MOB2: variants seen among roughly 807,000 people sequenced by gnomAD.
The protein encoded by MOB2 is MOB kinase activator 2, also known as MOB2 Mps One Binder homolog.
Under a neutral mutation model 27.4 loss-of-function variants are expected in MOB2, and 14 were observed. The observed-to-expected ratio is 0.51, with a 90% CI of 0.34 to 0.80. The LOEUF is 0.80. Ranked by LOEUF, MOB2 falls within the 30% of genes least tolerant of loss-of-function variation. MOB2 has a pLI of 0.01. For missense variants in MOB2, 304 were observed against 354.6 expected, an observed-to-expected ratio of 0.86 and a Z score of 1.15; for synonymous variants, 167 against 151.8, an observed-to-expected ratio of 1.10 and a Z score of -0.74.
intron 1 of MOB2, among the ~76,000 whole-genome samples, chr11:1,484,691 AG>A (rs999939658): frequency 6.6e-6 from 1 of 151,834 alleles, no homozygotes; most frequent in East Asian, 1.9e-4. Flanking sequence ...CTGGGTGTTG[AG>A]GGGGGGCCTG....
chr11:1,482,880 G>A (rs375518826), intron 1 of MOB2, among the ~76,000 whole-genome samples: 14 of 152,270 alleles, frequency 9.2e-5, no homozygotes, highest in Admixed American at 4.6e-4. Flanking sequence ...CAGCACCCAC[G>A]TCTCCCTGAC....
At chr11:1,477,579 C>T (rs1847866231) in intron 3 of MOB2, among the ~76,000 whole-genome samples, 1 of 152,186 alleles carries the variant, frequency 6.6e-6, no homozygotes, top group African/African-American at 2.4e-5. Context: ...CCCTGCCTTC[C>T]TTCCAGCAAG....
chr11:1,483,766 G>C (rs965193290), intron 1 of MOB2, among the ~76,000 whole-genome samples: 6 of 152,216 alleles, frequency 3.9e-5, no homozygotes, highest in Non-Finnish European at 7.4e-5. Flanking sequence ...GTGCCAGTCG[G>C]CCTCCTTGGC....
intron 3 of MOB2, among the ~76,000 whole-genome samples, chr11:1,473,755 C>T (rs1847822685): frequency 6.6e-6 from 1 of 152,258 alleles, no homozygotes; most frequent in Non-Finnish European, 1.5e-5. Flanking sequence ...GTATATAGTT[C>T]TAAGATTTTT....
intron 1 of MOB2, among the ~76,000 whole-genome samples, chr11:1,482,069 G>C (rs1590767275): frequency 6.6e-6 from 1 of 152,218 alleles, no homozygotes; most frequent in Admixed American, 6.5e-5. Context: ...ACCACCGGCA[G>C]GTGGGCCTGC....
chr11:1,485,566 G>A (rs142837424), intron 1 of MOB2, among the ~76,000 whole-genome samples: 2,299 of 152,320 alleles, frequency 0.015, 28 homozygotes, highest in Admixed American at 0.029. Context: ...GCAGAGGCAC[G>A]GAGATGCACA....
At position 1,481,713 on chromosome 11, in the gene MOB2, A is replaced by G. The variant is rs866178382; in HGVS notation, c.111-828T>C. On this transcript the variant is annotated intron_variant, in intron 1 of 4. Coordinates refer to ENST00000329957, the MANE Select transcript of MOB2 (RefSeq NM_001172223.3). ...GAGCCAGGCAGGGAGCAGGGGCAGG[A>G]GCAGGGGCAGGGGCAGGGGCAGGGG... 771 of 129,824 alleles carry G rather than the reference A, an allele frequency of 5.9e-3. 14 individuals carry two copies. Among genetic ancestry groups the G allele is most frequent in the African/African-American group, 0.022 (742 of 34,224 alleles). The allele number at this position is 129,824 out of a possible 1,614,324, so 8.0% of individuals were successfully genotyped here. A position where few individuals can be genotyped will look rare whatever the true frequency, so the allele number is the denominator to read the frequency against.
rs914342487 is a variant in MOB2 at position 1,483,085 on chromosome 11, C to T, written c.111-2200G>A. On this transcript the variant is annotated intron_variant, in intron 1 of 4. Coordinates refer to ENST00000329957, the MANE Select transcript of MOB2 (RefSeq NM_001172223.3). Reference sequence around the variant, plus strand: ...TTGGCTTTGCCCAGTGGAGAAAACACCTCTGCGGCGCCCCCCGCAGGCTCA... The same window carrying T: ...TTGGCTTTGCCCAGTGGAGAAAACATCTCTGCGGCGCCCCCCGCAGGCTCA... Among the ~76,000 whole-genome samples, 6 of 152,302 alleles carry T rather than the reference C, an allele frequency of 3.9e-5. 2 individuals carry two copies. The South Asian group carries it at 1.2e-3, about 32-fold the overall frequency.
chr11:1,475,850 A>G (rs1847847237), intron 3 of MOB2, among the ~76,000 whole-genome samples: 1 of 152,182 alleles, frequency 6.6e-6, no homozygotes, highest in East Asian at 1.9e-4. Flanking sequence ...CTTACCTTAG[A>G]TCTTAGCAAC....
At chr11:1,482,235 G>C (rs1399930895) in intron 1 of MOB2, among the ~76,000 whole-genome samples, 1 of 152,250 alleles carries the variant, frequency 6.6e-6, no homozygotes, top group African/African-American at 2.4e-5. Context: ...CTTAGGAGCT[G>C]TGTCAACTGG....
At chr11:1,480,664 G>A in intron 2 of MOB2, 61 bp downstream of exon 2, 1 of 1,575,944 alleles carries the variant, frequency 6.3e-7, no homozygotes, top group Non-Finnish European at 8.6e-7. Flanking sequence ...TCCCCCTTGA[G>A]GAGGGGCTTC....
At chr11:1,486,161 G>A (rs554997975) in intron 1 of MOB2, among the ~76,000 whole-genome samples, 15 of 152,378 alleles carry the variant, frequency 9.8e-5, no homozygotes, top group African/African-American at 3.6e-4. Flanking sequence ...ACCAAGACCC[G>A]CTCCTCTCCC....
rs1294798997 is a variant in MOB2, at chr11:1,469,628, A to ACAGGAG, written c.*538_*543dup. The stretch of plus-strand genomic sequence containing the variant: ...ATGGAGGAGGCAGCAGGAAGGGGTG[A>ACAGGAG]CAGGAGCAGGAGCAGGTGCAGGGCA... On this transcript the variant is annotated 3_prime_UTR_variant, in exon 5 of 5. Transcript: ENST00000329957. 65 of 456,976 alleles carry ACAGGAG rather than the reference A, an allele frequency of 1.4e-4. No individual in the cohort carries two copies. Among genetic ancestry groups the ACAGGAG allele is most frequent in the Admixed American group, 1.2e-3 (49 of 42,598 alleles). The allele number at this position is 456,976 out of a possible 1,614,324, so 28.3% of individuals were successfully genotyped here.
At position 1,470,235 on chromosome 11, in the gene MOB2, C is replaced by T. The variant is rs752445454; in HGVS notation, c.744G>A (p.Gly248=). The change falls in exon 5 of 5, where the codon GGG becomes GGA. Residue 248 remains glycine, a synonymous_variant. Transcript: ENST00000329957. ...LCSGAGGVHS[G]GSGDGAGSGG... ...CGCTGCCGGCCCCATCCCCACTGCC[C>T]CCACTGTGGACCCCGCCGGCCCCGC... 9 of 1,612,424 alleles carry T rather than the reference C, an allele frequency of 5.6e-6. No individual in the cohort carries two copies. The highest frequency in any genetic ancestry group is 1.7e-5 in the Admixed American group (1 of 60,000).
Position 1,469,935 on chromosome 11 carries a change from G to A in MOB2, c.*237C>T, listed in dbSNP as rs780098436. 54 of 951,802 alleles carry A rather than the reference G, an allele frequency of 5.7e-5. No homozygotes were observed. The highest frequency in any genetic ancestry group is 4.7e-4 in the East Asian group (18 of 38,030). The allele number at this position is 951,802 out of a possible 1,614,324, so 59.0% of individuals were successfully genotyped here. On this transcript the variant is annotated 3_prime_UTR_variant, in exon 5 of 5. Transcript: ENST00000329957. ...TCAGTCCCATGCGTGTCTGCTGAAC[G>A]AGTGAATGGGCCCAAAGGCTCTTCT...
chr11:1,485,706 C>CGGCCCCTCATGCCCACACACGGG (rs1465077674), intron 1 of MOB2, among the ~76,000 whole-genome samples: 4 of 152,220 alleles, frequency 2.6e-5, no homozygotes, highest in African/African-American at 9.6e-5. Flanking sequence ...CCCACTCCCC[C>CGGCCCCTCATGCCCACACACGGG]GGCCCCTCAT....
In MOB2 at chr11:1,480,385, G is replaced by A. The variant is rs1203502140; in HGVS notation, c.365+8C>T. 2 of 1,611,332 alleles carry A rather than the reference G, an allele frequency of 1.2e-6. No homozygotes were observed. The highest frequency in any genetic ancestry group is 1.7e-6 in the Non-Finnish European group (2 of 1,177,890). ...AGAGAAAGTGGGCTGTAGCCAGGCA[G>A]CACTCACGTGTTGCACACGGCCATC... On this transcript the variant is annotated splice_region_variant and intron_variant, in intron 3 of 4. Transcript: ENST00000329957.
intron 3 of MOB2, among the ~76,000 whole-genome samples, chr11:1,475,444 T>C (rs919402045): frequency 2.0e-5 from 3 of 152,068 alleles, no homozygotes; most frequent in Non-Finnish European, 4.4e-5. Flanking sequence ...CTCCTATACA[T>C]ACATTACTAA....
intron 3 of MOB2, among the ~76,000 whole-genome samples, chr11:1,477,028 T>C (rs369816629): frequency 2.0e-5 from 3 of 152,194 alleles, no homozygotes; most frequent in Non-Finnish European, 2.9e-5. Flanking sequence ...CTTTGTGAAG[T>C]TGAAAAGATG....
Sources: gnomAD v4.1 joint callset for allele counts (sites outside exome capture counted in the v4.1 genomes callset) on GRCh38, gnomAD v4.1.1 for gene constraint, MANE v1.5 for transcripts, NCBI Gene and HGNC (gene_info 2026-07-23, HGNC 2026-07-21) for gene names.